FRMD4A: variants seen among roughly 807,000 people sequenced by gnomAD.
FRMD4A encodes the protein FERM domain-containing protein 4A.
A neutral mutation model predicts 129.1 loss-of-function variants in FRMD4A; 29 were observed. The ratio of observed to expected loss-of-function variants is 0.22; its 90% CI spans 0.17 to 0.31. The LOEUF is 0.31. Among genes scored for constraint, FRMD4A ranks in the 10% least tolerant of loss-of-function variants. FRMD4A has a pLI of 1.00. For synonymous variants in FRMD4A, 634 were observed against 571.6 expected (o/e 1.11, Z -1.56); for missense variants, 1,272 against 1,375.8 (o/e 0.92, Z 1.19).
intron 3 of FRMD4A, among the ~76,000 whole-genome samples, chr10:13,846,619 C>A (rs2094050214): frequency 1.3e-5 from 2 of 152,232 alleles, no homozygotes; most frequent in South Asian, 2.1e-4. Context: ...TTCAAGGCCC[C>A]AGCTCCGCTG....
At position 13,656,695 on chromosome 10, in the gene FRMD4A, C is replaced by A. The variant is rs779700778; in HGVS notation, c.2894G>T (p.Ser965Ile). 1.3e-6 allele frequency: 2 copies of A among 1,570,848 alleles called. No homozygotes were observed. The highest frequency in any genetic ancestry group is 1.8e-5 in the Admixed American group (1 of 55,270). ...GACCCTGCTGTGCGCCACGAAGGTG[C>A]TCTGGGAGGAGGTGCTGTACTGCGA... ...SGSQYSTSSQSTFVAHSRVTR... is the reference protein window; with the variant it reads ...SGSQYSTSSQITFVAHSRVTR... The change falls in exon 22 of 25, where the codon AGC (serine) becomes ATC (isoleucine). Residue 965 changes from serine (S) to isoleucine (I), a missense_variant. Ser to Ile is a moderately radical substitution (Grantham distance 142). Around this residue, in one of 2 missense-constraint regions of FRMD4A, gnomAD observed 972 missense variants for 892.3 expected, o/e 1.09. Transcript: ENST00000357447.
chr10:13,809,034 C>G (rs1476457579), intron 4 of FRMD4A, among the ~76,000 whole-genome samples: 1 of 152,214 alleles, frequency 6.6e-6, no homozygotes, highest in East Asian at 1.9e-4. Context: ...GCACAGAGAG[C>G]CAGGAGAACT....
chr10:14,158,837 A>AGAGGAGGAGGAG lies in FRMD4A; in HGVS notation c.45+171209_45+171220dup, dbSNP rs71388159. Among the ~76,000 whole-genome samples the AGAGGAGGAGGAG allele has an allele frequency of 2.5e-3, 346 of 137,106 alleles. 2 individuals are homozygous for AGAGGAGGAGGAG. The highest frequency in any genetic ancestry group is 4.9e-3 in the African/African-American group (179 of 36,800). 89.9% of individuals were successfully genotyped at this position (137,106 alleles called of 152,430 possible). On this transcript the variant is annotated intron_variant, in intron 2 of 24. Transcript: ENST00000357447. ...GAAGGAAGAAGAGGGAGGAGGAGAA[A>AGAGGAGGAGGAG]GAGGAGGAGGAGGAGGAGGAGGAGG...
At chr10:13,870,714 T>A (rs937699600) in intron 2 of FRMD4A, 2 of 152,464 alleles carry the variant, frequency 1.3e-5, no homozygotes, top group African/African-American at 4.8e-5. Context: ...CTAGGACACC[T>A]AACATCAAGA....
intron 2 of FRMD4A, among the ~76,000 whole-genome samples, chr10:14,183,582 T>C (rs900176964): frequency 6.6e-6 from 1 of 151,534 alleles, no homozygotes; most frequent in Non-Finnish European, 1.5e-5. Context: ...AGCTTCAACC[T>C]GAGGCACAAA....
chr10:14,043,493 T>G (rs1466771260), intron 2 of FRMD4A, among the ~76,000 whole-genome samples: 1 of 152,226 alleles, frequency 6.6e-6, no homozygotes, highest in Non-Finnish European at 1.5e-5. Context: ...TATTCCTCTC[T>G]GATGTGCAGT....
At chr10:13,716,292 A>T (rs1420132422) in intron 12 of FRMD4A, among the ~76,000 whole-genome samples, 1 of 152,160 alleles carries the variant, frequency 6.6e-6, no homozygotes, top group Non-Finnish European at 1.5e-5. Flanking sequence ...TAATCTCAAA[A>T]CATTCACCCT....
At chr10:14,007,312 G>C (rs1247888407) in intron 2 of FRMD4A, 1 of 152,244 alleles carries the variant, frequency 6.6e-6, no homozygotes, top group South Asian at 2.1e-4. Flanking sequence ...ATACTTTGTG[G>C]GTGTAGGGAT....
intron 2 of FRMD4A, among the ~76,000 whole-genome samples, chr10:14,328,381 G>T (rs1002567619): frequency 4.7e-5 from 5 of 106,862 alleles, no homozygotes; most frequent in Non-Finnish European, 9.2e-5. Context: ...GGGGGGGGGG[G>T]TGTATAACAG....
At chr10:14,274,543 G>A (rs1845273025) in intron 2 of FRMD4A, among the ~76,000 whole-genome samples, 1 of 152,182 alleles carries the variant, frequency 6.6e-6, no homozygotes, top group African/African-American at 2.4e-5. Flanking sequence ...TTCCTGGAAA[G>A]CTGTTAGAGC....
rs569018483 is a variant in FRMD4A at position 13,834,242 on chromosome 10, C to T, written c.112-23334G>A. Among the ~76,000 whole-genome samples the T allele has an allele frequency of 5.3e-5, 8 of 151,960 alleles. No individual in the cohort carries two copies. In the East Asian group the frequency reaches 1.4e-3, roughly 26 times the overall value. ...TTGTACCCTTGCACTCCAGCCTGGG[C>T]AACAGAGTAAGACTCCATCTCAGAA... is the stretch of plus-strand genomic sequence containing the variant. On this transcript the variant is annotated intron_variant, in intron 3 of 24. Transcript: ENST00000357447.
At chr10:14,265,792 C>T (rs186095509) in intron 2 of FRMD4A, among the ~76,000 whole-genome samples, 4 of 152,242 alleles carry the variant, frequency 2.6e-5, no homozygotes, top group East Asian at 3.9e-4. Flanking sequence ...CCAGAAGGGT[C>T]GGGAATGTGA....
chr10:14,254,683 T>C (rs185198653), intron 2 of FRMD4A, among the ~76,000 whole-genome samples: 99 of 152,050 alleles, frequency 6.5e-4, no homozygotes, highest in Admixed American at 2.3e-3. Flanking sequence ...TTCTCATCTA[T>C]CATAAAAATA....
At chr10:13,653,244 G>A (rs1033602220) in intron 23 of FRMD4A, 10 of 152,342 alleles carry the variant, frequency 6.6e-5, no homozygotes, top group East Asian at 3.9e-4. Flanking sequence ...CAAAAATGCC[G>A]ACCAGGTGCC....
Position 13,781,069 on chromosome 10 carries a change from A to G in FRMD4A, c.384+1853T>C, listed in dbSNP as rs537167463. Among the ~76,000 whole-genome samples the G allele has an allele frequency of 8.5e-5, 13 of 152,260 alleles. No homozygotes were observed. In the South Asian group the frequency reaches 2.7e-3, roughly 32 times the overall value. Reference sequence around the variant, plus strand: ...TGTAATCCCAGCACTTTGGAAGGCCAAGGCAGGCAGATCACCTGAGCCCAG... The same window carrying G: ...TGTAATCCCAGCACTTTGGAAGGCCGAGGCAGGCAGATCACCTGAGCCCAG... On this transcript the variant is annotated intron_variant, in intron 6 of 24. Coordinates refer to ENST00000357447, the MANE Select transcript of FRMD4A (RefSeq NM_018027.5).
intron 12 of FRMD4A, among the ~76,000 whole-genome samples, chr10:13,718,500 C>T (rs2089093266): frequency 6.6e-6 from 1 of 152,204 alleles, no homozygotes. Flanking sequence ...TCTACGGATC[C>T]TCTTGCGGGA....
chr10:14,218,955 C>CAAAAAAAAAAAAAAAAAAAAAAAAA (rs56064346), intron 2 of FRMD4A, among the ~76,000 whole-genome samples: 1 of 72,640 alleles, frequency 1.4e-5, no homozygotes. Context: ...GACTTCATCT[C>CAAAAAAAAAAAAAAAAAAAAAAAAA]AAAAAAAAAA....
At chr10:13,661,648 G>A (rs756088467) in intron 19 of FRMD4A, among the ~76,000 whole-genome samples, 54 of 152,112 alleles carry the variant, frequency 3.6e-4, no homozygotes, top group Admixed American at 1.8e-3. Flanking sequence ...ACCTGGCAGT[G>A]TTCTAAAACT....
rs1284920876 is a variant in FRMD4A at position 14,188,966 on chromosome 10, G to A, written c.45+141092C>T. ...CTCCTTTCTGGGAAGCTTTCCCTGAGCAACCCAGCTCACCTCTGTTTGTCT... is the reference window on the plus strand; with the variant it reads ...CTCCTTTCTGGGAAGCTTTCCCTGAACAACCCAGCTCACCTCTGTTTGTCT... On this transcript the variant is annotated intron_variant, in intron 2 of 24. Coordinates refer to ENST00000357447, the MANE Select transcript of FRMD4A (RefSeq NM_018027.5). Among the ~76,000 whole-genome samples the A allele has an allele frequency of 3.9e-5, 6 of 152,212 alleles. No homozygotes were observed. The East Asian group carries it at 1.2e-3, about 29-fold the overall frequency.
Sources: allele counts gnomAD v4.1 joint callset (sites outside exome capture counted in the v4.1 genomes callset), GRCh38; gene constraint gnomAD v4.1.1; regional missense constraint gnomAD v4.1.1; transcripts MANE v1.5; gene names NCBI Gene and HGNC (gene_info 2026-07-23, HGNC 2026-07-21).